Variants in CSMD1 observed in about 807,000 individuals in gnomAD.
CSMD1 encodes the protein CUB and Sushi multiple domains 1, also known as CUB and sushi domain-containing protein 1.
In CSMD1, 213 loss-of-function variants were observed where a neutral mutation model predicts 417.5. The observed-to-expected ratio is 0.51, with a 90% CI of 0.46 to 0.57. CSMD1 has a LOEUF of 0.57. CSMD1 is among the 20% of genes least tolerant of loss of function. CSMD1 has a pLI of 0.00. For synonymous variants in CSMD1, 2,862 were observed against 1,736.8 expected, an observed-to-expected ratio of 1.65 and a Z score of -16.11; for missense variants, 6,923 against 4,529.7, an observed-to-expected ratio of 1.53 and a Z score of -15.17.
At chr8:4,350,640 C>T (rs77815485) in intron 3 of CSMD1, among the ~76,000 whole-genome samples, 512 of 152,226 alleles carry the variant, frequency 3.4e-3, no homozygotes, top group African/African-American at 0.012. Flanking sequence ...TAGAGAATTG[C>T]GAGTTGACTC....
chr8:4,003,160 T>C (rs955969149), intron 4 of CSMD1, among the ~76,000 whole-genome samples: 4 of 151,962 alleles, frequency 2.6e-5, no homozygotes, highest in Admixed American at 2.0e-4. Flanking sequence ...TTGGGAGCCC[T>C]AGGAGGGTGG....
chr8:3,239,681 G>C (rs1334772748), intron 26 of CSMD1, among the ~76,000 whole-genome samples: 1 of 152,228 alleles, frequency 6.6e-6, no homozygotes, highest in Non-Finnish European at 1.5e-5. Context: ...GTTCTAAGAG[G>C]CGGGCTAGTG....
At chr8:4,827,495 A>G (rs1261075969) in intron 1 of CSMD1, among the ~76,000 whole-genome samples, 4 of 152,166 alleles carry the variant, frequency 2.6e-5, no homozygotes, top group African/African-American at 4.8e-5. Flanking sequence ...GATGAACTGA[A>G]TATTTTTCAA....
chr8:3,541,684 A>G (rs1798444782), intron 10 of CSMD1, among the ~76,000 whole-genome samples: 2 of 149,654 alleles, frequency 1.3e-5, no homozygotes, highest in Admixed American at 6.7e-5. Flanking sequence ...CCCTATAATT[A>G]GTACTAGTTC....
At chr8:3,949,012 A>C (rs887246477) in intron 5 of CSMD1, among the ~76,000 whole-genome samples, 1 of 152,200 alleles carries the variant, frequency 6.6e-6, no homozygotes, top group Non-Finnish European at 1.5e-5. Flanking sequence ...AAATGTATTA[A>C]ATCTGAACTA....
intron 5 of CSMD1, among the ~76,000 whole-genome samples, chr8:3,890,009 C>A (rs1481148340): frequency 6.6e-6 from 1 of 151,996 alleles, no homozygotes; most frequent in East Asian, 1.9e-4. Flanking sequence ...TAGGGAGATC[C>A]CTTCTCAAAA....
At position 4,657,032 on chromosome 8, in the gene CSMD1, C is replaced by A. The variant is rs762919854; in HGVS notation, c.86-19474G>T. 7.0e-4 allele frequency among the ~76,000 whole-genome samples: 107 copies of A among 152,194 alleles called. 2 individuals carry two copies. Among genetic ancestry groups the A allele is most frequent in the Admixed American group, 1.4e-3 (21 of 15,282 alleles). Reference sequence around the variant, plus strand: ...TAGGGCACGCAAAGCCACCAGGACACGCAAAAGATCACAATGGAGGCAAAT... The same window carrying A: ...TAGGGCACGCAAAGCCACCAGGACAAGCAAAAGATCACAATGGAGGCAAAT... On this transcript the variant is annotated intron_variant, in intron 1 of 69. Transcript: ENST00000635120.
chr8:4,501,456 T>C (rs545072658), intron 2 of CSMD1, among the ~76,000 whole-genome samples: 1 of 152,304 alleles, frequency 6.6e-6, no homozygotes, highest in East Asian at 1.9e-4. Context: ...ATTTCAAGAA[T>C]ACTTTTCTCA....
intron 6 of CSMD1, among the ~76,000 whole-genome samples, chr8:3,710,001 C>T (rs562942840): frequency 1.3e-5 from 2 of 151,764 alleles, no homozygotes; most frequent in Non-Finnish European, 2.9e-5. Context: ...TCTTTTGGCT[C>T]CCCCAAAAAC....
intron 3 of CSMD1, among the ~76,000 whole-genome samples, chr8:4,153,408 C>A (rs78527091): frequency 1.4e-3 from 211 of 152,308 alleles, no homozygotes; most frequent in Middle Eastern, 0.01. Context: ...GTTCCCTAGC[C>A]TCATTCATGC....
Position 4,522,171 on chromosome 8 carries a change from G to A in CSMD1, c.303-102106C>T, listed in dbSNP as rs1360551124. ...TCTTTCCTGGGCTGTTCTCGTGATAGTGAATGAGTCTCGTGAGAGCTGATG... is the reference window on the plus strand; with the variant it reads ...TCTTTCCTGGGCTGTTCTCGTGATAATGAATGAGTCTCGTGAGAGCTGATG... On this transcript the variant is annotated intron_variant, in intron 2 of 69. Coordinates refer to ENST00000635120, the MANE Select transcript of CSMD1 (RefSeq NM_033225.6). Among the ~76,000 whole-genome samples the A allele has an allele frequency of 2.0e-5, 3 of 152,206 alleles. No individual in the cohort carries two copies. The East Asian group carries it at 5.8e-4, about 30-fold the overall frequency.
intron 25 of CSMD1, among the ~76,000 whole-genome samples, chr8:3,285,031 G>A (rs1455028504): frequency 6.6e-6 from 1 of 152,114 alleles, no homozygotes; most frequent in African/African-American, 2.4e-5. Context: ...AGAGGCAGCA[G>A]GATCTATGTA....
intron 5 of CSMD1, among the ~76,000 whole-genome samples, chr8:3,901,753 G>A (rs957025531): frequency 6.6e-6 from 1 of 152,218 alleles, no homozygotes; most frequent in Non-Finnish European, 1.5e-5. Flanking sequence ...GCTTTTCGAT[G>A]TGACAAGCCA....
chr8:4,498,364 T>C lies in CSMD1; in HGVS notation c.303-78299A>G, dbSNP rs534202968. Among the ~76,000 whole-genome samples the C allele has an allele frequency of 8.4e-3, 1,277 of 152,304 alleles. 18 individuals carry two copies. The highest frequency in any genetic ancestry group is 0.03 in the African/African-American group (1,241 of 41,548). ...ACTTATTTCTTATGTATTTATATAA[T>C]CTTATATAGCATGTGCATATTTTTG... On this transcript the variant is annotated intron_variant, in intron 2 of 69. Transcript: ENST00000635120.
intron 5 of CSMD1, among the ~76,000 whole-genome samples, chr8:3,824,551 G>C (rs983877954): frequency 6.6e-6 from 1 of 152,158 alleles, no homozygotes; most frequent in Non-Finnish European, 1.5e-5. Context: ...AACATGCACT[G>C]CAAGGGCAAA....
At chr8:3,394,933 T>A (rs189004471) in intron 17 of CSMD1, among the ~76,000 whole-genome samples, 2 of 152,306 alleles carry the variant, frequency 1.3e-5, no homozygotes, top group African/African-American at 4.8e-5. Flanking sequence ...TATTTTTATC[T>A]AAAAGTAGAC....
chr8:4,974,568 T>C (rs529665518), intron 1 of CSMD1, among the ~76,000 whole-genome samples: 249 of 152,270 alleles, frequency 1.6e-3, no homozygotes, highest in Non-Finnish European at 2.7e-3. Context: ...GAAAAAAGAT[T>C]GGAGTCGACG....
chr8:3,093,394 T>C (rs1370324496), intron 47 of CSMD1, among the ~76,000 whole-genome samples: 1 of 152,136 alleles, frequency 6.6e-6, no homozygotes, highest in Non-Finnish European at 1.5e-5. Flanking sequence ...AGGCTAGGCA[T>C]GGTGGCTCAC....
intron 3 of CSMD1, among the ~76,000 whole-genome samples, chr8:4,386,083 C>G (rs1014645693): frequency 6.6e-6 from 1 of 152,122 alleles, no homozygotes; most frequent in Non-Finnish European, 1.5e-5. Flanking sequence ...TGTGTTTGCT[C>G]TTCTCTCGCT....
Sources: allele counts gnomAD v4.1 joint callset (sites outside exome capture counted in the v4.1 genomes callset), GRCh38; gene constraint gnomAD v4.1.1; transcripts MANE v1.5; gene names NCBI Gene and HGNC (gene_info 2026-07-23, HGNC 2026-07-21).